The following ZNF793 variants were observed in gnomAD, a reference collection of about 807,000 sequenced individuals.
The protein encoded by ZNF793 is zinc finger protein 793.
ZNF793 carries 5 observed loss-of-function variants against 12.4 expected under a neutral mutation model. The ratio of observed to expected loss-of-function variants is 0.40; its 90% confidence interval spans 0.21 to 0.84. The LOEUF (loss-of-function observed/expected upper bound fraction) is 0.84, where lower values mean the gene tolerates loss of function less well. Among genes scored for constraint, ZNF793 ranks in the 40% least tolerant of loss-of-function variants. ZNF793 has a pLI of 0.35. For missense variants in ZNF793, 456 were observed against 495.0 expected (o/e 0.92, Z 0.75); for synonymous variants, 162 against 172.4 (o/e 0.94, Z 0.47).
chr19:37,537,614 C>T lies in ZNF793; in HGVS notation c.956C>T (p.Ser319Leu), dbSNP rs192785678. The change falls in exon 8 of 8, where the codon TCG becomes TTG. Residue 319 changes from serine (S) to leucine (L), a missense_variant. Ser to Leu is a moderately radical substitution (Grantham distance 145, BLOSUM62 -2). Coordinates refer to ENST00000627814, the MANE Select transcript of ZNF793 (RefSeq NM_001013659.3). ...TTTGTCTGCAGTGAATGCGGGAAATCGTTTGGTGAGAAGTCATACCTCAAT... is the reference window on the plus strand; with the variant it reads ...TTTGTCTGCAGTGAATGCGGGAAATTGTTTGGTGAGAAGTCATACCTCAAT... ...RPFVCSECGK[S>L]FGEKSYLNVH... 1.3e-4 allele frequency: 213 copies of T among 1,614,110 alleles called. No individual in the cohort carries two copies. Among genetic ancestry groups the T allele is most frequent in the Admixed American group, 1.7e-4 (10 of 60,016 alleles).
At chr19:37,511,473 C>T (rs2042294150) in intron 2 of ZNF793, among the ~76,000 whole-genome samples, 2 of 151,988 alleles carry the variant, frequency 1.3e-5, no homozygotes. Flanking sequence ...GAGCTTGAGA[C>T]CAGCCTGGCC....
intron 2 of ZNF793, among the ~76,000 whole-genome samples, chr19:37,515,759 A>C (rs1293867917): frequency 1.3e-5 from 2 of 152,250 alleles, no homozygotes; most frequent in Non-Finnish European, 2.9e-5. Context: ...TTTGAGATGT[A>C]TAGAAAGTCT....
At chr19:37,527,990 G>A (rs1429846442) in intron 5 of ZNF793, among the ~76,000 whole-genome samples, 3 of 151,716 alleles carry the variant, frequency 2.0e-5, no homozygotes, top group Non-Finnish European at 4.4e-5. Context: ...TTAGCTGGGC[G>A]TGGTGGTGTG....
In ZNF793 at chr19:37,537,679, T is replaced by G. The variant is rs777536865; in HGVS notation, c.1021T>G (p.Cys341Gly). The change falls in exon 8 of 8, where the codon TGC becomes GGC. Residue 341 changes from cysteine (C) to glycine (G), a missense_variant. By Grantham distance (159) the Cys-to-Gly change is radical. Transcript: ENST00000627814. ...KMHTGERPYRCRECGKSFSQK... is the reference protein window; with the variant it reads ...KMHTGERPYRGRECGKSFSQK... ...GCACACAGGAGAAAGACCGTATCGTTGCAGAGAATGTGGAAAATCCTTCAG... is the reference window on the plus strand; with the variant it reads ...GCACACAGGAGAAAGACCGTATCGTGGCAGAGAATGTGGAAAATCCTTCAG... 7 of 1,613,534 alleles carry G rather than the reference T, an allele frequency of 4.3e-6. No individual in the cohort carries two copies. In the South Asian group the frequency reaches 7.7e-5, roughly 18 times the overall value.
chr19:37,511,299 T>C (rs1283201345), intron 2 of ZNF793, among the ~76,000 whole-genome samples: 1 of 152,210 alleles, frequency 6.6e-6, no homozygotes, highest in Non-Finnish European at 1.5e-5. Context: ...AGGATTCCAT[T>C]TGAATCATAT....
In ZNF793 at chr19:37,537,606, C is replaced by T. The variant is rs139014237; in HGVS notation, c.948C>T (p.Cys316=). Residue 316 remains cysteine, a synonymous_variant, in exon 8 of 8, where the codon TGC becomes TGT. Coordinates refer to ENST00000627814, the MANE Select transcript of ZNF793 (RefSeq NM_001013659.3). ...TGERPFVCSE[C]GKSFGEKSYL... ...AGAGACCCTTTGTCTGCAGTGAATG[C>T]GGGAAATCGTTTGGTGAGAAGTCAT... 2.1e-3 allele frequency: 3,454 copies of T among 1,613,990 alleles called. 13 individuals are homozygous for T. The highest frequency in any genetic ancestry group is 2.5e-3 in the Non-Finnish European group (2,946 of 1,179,980).
intron 3 of ZNF793, among the ~76,000 whole-genome samples, 174 bp from the exon 4 acceptor site, chr19:37,522,358 C>T (rs759079555): frequency 1.1e-4 from 16 of 151,960 alleles, no homozygotes; most frequent in East Asian, 5.8e-4. Flanking sequence ...CCAGCACACC[C>T]GGCAAATTTT....
In ZNF793 at chr19:37,532,469, C is replaced by T. The variant is rs1472978674; in HGVS notation, c.129C>T (p.Asn43=). The change falls in exon 6 of 8, where the codon AAC becomes AAT. Residue 43 remains asparagine, a synonymous_variant. Transcript: ENST00000627814. ...YRDVMLETYS[N]LVSVGYEGTK... The stretch of plus-strand genomic sequence containing the variant: ...ATGTGATGCTGGAAACCTATAGCAA[C>T]CTCGTCTCAGTGGGTAAGAACATCC... 2.5e-6 allele frequency: 4 copies of T among 1,607,202 alleles called. No individual in the cohort carries two copies. The highest frequency in any genetic ancestry group is 1.3e-5 in the African/African-American group (1 of 74,576).
chr19:37,507,038 T>C (rs974434476), intron 1 of ZNF793, 72 bp downstream of exon 1: 3 of 152,236 alleles, frequency 2.0e-5, no homozygotes, highest in Admixed American at 6.6e-5. Flanking sequence ...AAGGCACGGT[T>C]TGAGAAACGG....
chr19:37,538,566 C>G lies in ZNF793; in HGVS notation c.*687C>G, dbSNP rs1029124406. ...CCCCAACCCCCCGCCCTTGGCCTCC[C>G]AAAGTGTTGGGATTACAGGCATGAG... is the stretch of plus-strand genomic sequence containing the variant. On this transcript the variant is annotated 3_prime_UTR_variant, in exon 8 of 8. Transcript: ENST00000627814. 3.3e-5 allele frequency: 5 copies of G among 152,284 alleles called. No homozygotes were observed. The highest frequency in any genetic ancestry group is 4.4e-5 in the Non-Finnish European group (3 of 68,102). 9.4% of individuals were successfully genotyped at this position (152,284 alleles called of 1,614,324 possible).
chr19:37,529,960 A>G (rs1356432646), intron 5 of ZNF793, among the ~76,000 whole-genome samples: 1 of 151,808 alleles, frequency 6.6e-6, no homozygotes, highest in Non-Finnish European at 1.5e-5. Context: ...CCAGCCTCTG[A>G]GTTCCCTTAG....
At chr19:37,527,957 GA>G (rs760485287) in intron 5 of ZNF793, among the ~76,000 whole-genome samples, 254 of 136,150 alleles carry the variant, frequency 1.9e-3, no homozygotes, top group Middle Eastern at 7.9e-3. Context: ...TGTCTCTACT[GA>G]AAAAAAAAAA....
intron 5 of ZNF793, among the ~76,000 whole-genome samples, chr19:37,528,289 C>G (rs1474602809): frequency 6.6e-6 from 1 of 152,090 alleles, no homozygotes; most frequent in African/African-American, 2.4e-5. Flanking sequence ...ACAGACGGAG[C>G]CTTGCCAACC....
intron 3 of ZNF793, among the ~76,000 whole-genome samples, chr19:37,521,150 G>T (rs1209976160): frequency 6.6e-6 from 1 of 152,012 alleles, no homozygotes; most frequent in Non-Finnish European, 1.5e-5. Flanking sequence ...ACCATGCCCG[G>T]CTTATTTTTT....
chr19:37,513,871 G>A (rs1600405258), intron 2 of ZNF793, among the ~76,000 whole-genome samples: 1 of 152,122 alleles, frequency 6.6e-6, no homozygotes, highest in Admixed American at 6.6e-5. Context: ...TTGATTTTCT[G>A]TAGTTTTTAT....
intron 2 of ZNF793, among the ~76,000 whole-genome samples, 187 bp downstream of exon 2, chr19:37,508,590 C>G (rs572591348): frequency 6.6e-6 from 1 of 152,194 alleles, no homozygotes; most frequent in South Asian, 2.1e-4. Flanking sequence ...CCTGAGGTCC[C>G]AGCTACTCTG....
At chr19:37,513,515 A>G (rs1393255405) in intron 2 of ZNF793, among the ~76,000 whole-genome samples, 1 of 152,234 alleles carries the variant, frequency 6.6e-6, no homozygotes, top group Admixed American at 6.5e-5. Context: ...CAAAGAAAAC[A>G]TCTTGGGAAA....
intron 5 of ZNF793, among the ~76,000 whole-genome samples, chr19:37,527,017 G>A (rs1339748431): frequency 2.0e-5 from 3 of 151,876 alleles, no homozygotes; most frequent in Non-Finnish European, 2.9e-5. Context: ...GCACAATCTC[G>A]GCTCACTGCA....
In ZNF793 at chr19:37,533,424, A is replaced by C. The variant is rs745491814; in HGVS notation, c.238+21A>C. 1.2e-5 allele frequency: 19 copies of C among 1,606,628 alleles called. No individual in the cohort carries two copies. In the African/African-American group the frequency reaches 1.6e-4, roughly 14 times the overall value. ...TTGGGGTAAGTGTGATAAATCTAGC[A>C]AAAGGGGTACTGAAGGAGGCTGGCA... On this transcript the variant is annotated intron_variant, in intron 7 of 7. Transcript: ENST00000627814.
Sources: allele counts gnomAD v4.1 joint callset (sites outside exome capture counted in the v4.1 genomes callset), GRCh38; gene constraint gnomAD v4.1.1; transcripts MANE v1.5; gene names NCBI Gene and HGNC (gene_info 2026-07-23, HGNC 2026-07-21).